NDE1: variants seen among roughly 807,000 people sequenced by gnomAD.
NDE1 encodes nuclear distribution protein nudE homolog 1.
A neutral mutation model predicts 43.4 loss-of-function variants in NDE1; 28 were observed. That is an observed-to-expected ratio of 0.65 (90% CI 0.48 to 0.89). The LOEUF (loss-of-function observed/expected upper bound fraction) is 0.89, where lower values mean the gene tolerates loss of function less well. NDE1 is among the 40% of genes least tolerant of loss of function. The pLI, the probability that NDE1 is intolerant of heterozygous loss-of-function variation, is 0.00. For synonymous variants in NDE1, 184 were observed against 172.0 expected, an observed-to-expected ratio of 1.07 and a Z score of -0.55; for missense variants, 441 against 434.1, an observed-to-expected ratio of 1.02 and a Z score of -0.14.
chr16:15,647,041 C>T (rs1392201417), upstream of NDE1, among the ~76,000 whole-genome samples: 3 of 152,186 alleles, frequency 2.0e-5, no homozygotes, highest in Non-Finnish European at 2.9e-5. Context: ...CAGAGTGAAA[C>T]TCTGTCTCGA....
At chr16:15,708,583 G>C (rs2039595905) in intron 8 of NDE1, among the ~76,000 whole-genome samples, 1 of 152,218 alleles carries the variant, frequency 6.6e-6, no homozygotes. Context: ...GTGCTGCCCA[G>C]AGGCAGGAAG....
intron 4 of NDE1, among the ~76,000 whole-genome samples, chr16:15,683,544 C>CA (rs2038288274): frequency 6.6e-6 from 1 of 151,856 alleles, no homozygotes; most frequent in African/African-American, 2.4e-5. Flanking sequence ...GATGGGGTTT[C>CA]GCCATGTTAG....
At chr16:15,670,657 CA>C (rs10717229) in intron 3 of NDE1, among the ~76,000 whole-genome samples, 60,011 of 128,628 alleles carry the variant, frequency 0.47, 13,602 homozygotes, top group Middle Eastern at 0.61. Flanking sequence ...AACTCTGTCT[CA>C]AAAAAAAAAA....
intron 8 of NDE1, chr16:15,714,481 AG>A (rs1192725503): frequency 1.2e-5 from 3 of 254,866 alleles, no homozygotes; most frequent in African/African-American, 4.4e-5. Context: ...AGAATAATGC[AG>A]CCCAGATGGC....
At chr16:15,668,579 G>T (rs2037433646) in intron 3 of NDE1, among the ~76,000 whole-genome samples, 1 of 152,122 alleles carries the variant, frequency 6.6e-6, no homozygotes, top group Non-Finnish European at 1.5e-5. Flanking sequence ...ACATTTTTAG[G>T]GTATGGAGGT....
rs184194085 is a variant in NDE1 at position 15,720,762 on chromosome 16, C to A, written c.948-3429C>A. 565 of 1,481,536 alleles carry A rather than the reference C, an allele frequency of 3.8e-4. 5 individuals are homozygous for A. The highest frequency in any genetic ancestry group is 6.9e-5 in the Non-Finnish European group (74 of 1,066,168). The allele number at this position is 1,481,536 out of a possible 1,614,324, so 91.8% of individuals were successfully genotyped here. A position where few individuals can be genotyped will look rare whatever the true frequency, so the allele number is the denominator to read the frequency against. Reference sequence around the variant, plus strand: ...AAAAATAAAGAAAACGAAGTTTCCACACCAACCATGAGAGTGGTGATAGGA... The same window carrying A: ...AAAAATAAAGAAAACGAAGTTTCCAAACCAACCATGAGAGTGGTGATAGGA... On this transcript the variant is annotated intron_variant, in intron 8 of 8. Transcript: ENST00000396354.
chr16:15,717,310 G>T, intron 8 of NDE1: 1 of 1,611,700 alleles, frequency 6.2e-7, no homozygotes. Context: ...TCTGGGCCGT[G>T]CTGCGCTCTG....
At chr16:15,658,856 C>T (rs1450673229) in intron 1 of NDE1, among the ~76,000 whole-genome samples, 1 of 152,014 alleles carries the variant, frequency 6.6e-6, no homozygotes, top group East Asian at 1.9e-4. Flanking sequence ...AGGATTTTAC[C>T]ATGTTGGCCA....
intron 8 of NDE1, chr16:15,703,801 T>C: frequency 1.3e-6 from 1 of 758,464 alleles, no homozygotes; most frequent in East Asian, 2.7e-5. Context: ...TTGCCCAGGC[T>C]GGAGGGTGGT....
chr16:15,704,074 T>C lies in NDE1; in HGVS notation c.947+7214T>C, dbSNP rs1277442569. On this transcript the variant is annotated intron_variant, in intron 8 of 8. Transcript: ENST00000396354. ...GAACCATCTGCATTTTCAATAACTC[T>C]ACGTCCTCCAGACCTTCTAGAAGGA... The C allele has an allele frequency of 5.6e-6, 9 of 1,614,066 alleles. No homozygotes were observed. Among genetic ancestry groups the C allele is most frequent in the Non-Finnish European group, 6.8e-6 (8 of 1,180,044 alleles).
At position 15,704,483 on chromosome 16, in the gene NDE1, A is replaced by G. The variant is rs1243803639; in HGVS notation, c.947+7623A>G. 4.6e-5 allele frequency among the ~76,000 whole-genome samples: 7 copies of G among 152,208 alleles called. No individual in the cohort carries two copies. In the East Asian group the frequency reaches 1.2e-3, roughly 25 times the overall value. On this transcript the variant is annotated intron_variant, in intron 8 of 8. Transcript: ENST00000396354. ...GATTTAGAATAGGAAAAAAACGCCA[A>G]AAACCAAGCAGGGGATTTTGTCTTC... is the stretch of plus-strand genomic sequence containing the variant.
At chr16:15,677,594 A>G (rs1285749486) in intron 3 of NDE1, among the ~76,000 whole-genome samples, 5 of 151,564 alleles carry the variant, frequency 3.3e-5, no homozygotes, top group African/African-American at 7.3e-5. Context: ...TCAAAAGAAA[A>G]AAAAAAAAAC....
At chr16:15,717,499 A>C in intron 8 of NDE1, 1 of 762,322 alleles carries the variant, frequency 1.3e-6, no homozygotes, top group Non-Finnish European at 2.1e-6. Context: ...AACTCCACTC[A>C]AGAGCTTCTT....
chr16:15,699,924 G>A (rs1270732195), intron 8 of NDE1: 5 of 1,245,926 alleles, frequency 4.0e-6, no homozygotes, highest in Non-Finnish European at 5.2e-6. Flanking sequence ...TGAGAAATAA[G>A]AGCAGTCACC....
chr16:15,673,933 T>G (rs1349333083), intron 3 of NDE1, among the ~76,000 whole-genome samples: 1 of 152,166 alleles, frequency 6.6e-6, no homozygotes, highest in East Asian at 1.9e-4. Flanking sequence ...GGACACCTGC[T>G]CAGGAGGCTG....
intron 1 of NDE1, among the ~76,000 whole-genome samples, chr16:15,658,793 A>T (rs1044423256): frequency 2.0e-5 from 3 of 152,064 alleles, no homozygotes; most frequent in African/African-American, 7.2e-5. Flanking sequence ...AGTAGTTGGG[A>T]TCATAGGTGC....
chr16:15,689,229 C>T lies in NDE1; in HGVS notation c.523+1718C>T, dbSNP rs1255439143. Among the ~76,000 whole-genome samples the T allele has an allele frequency of 1.3e-5, 2 of 152,140 alleles. 1 individual carries two copies. The highest frequency in any genetic ancestry group is 4.8e-5 in the African/African-American group (2 of 41,424). On this transcript the variant is annotated intron_variant, in intron 5 of 8. Coordinates refer to ENST00000396354, the MANE Select transcript of NDE1 (RefSeq NM_017668.3). ...CCAAGGCTAGGCACAGTGGCTGATG[C>T]CTGTAATCTCAGTGCTTTGAGAGAC...
chr16:15,675,361 G>A (rs976283132), intron 3 of NDE1, among the ~76,000 whole-genome samples: 1 of 151,112 alleles, frequency 6.6e-6, no homozygotes, highest in Admixed American at 6.6e-5. Flanking sequence ...ACCAGGCCCA[G>A]CTAATTTTTT....
At chr16:15,680,087 T>G (rs888305551) in intron 4 of NDE1, among the ~76,000 whole-genome samples, 1 of 152,278 alleles carries the variant, frequency 6.6e-6, no homozygotes, top group African/African-American at 2.4e-5. Context: ...CCAGAGATGA[T>G]GAATTCTTTT....
Sources: allele counts gnomAD v4.1 joint callset (sites outside exome capture counted in the v4.1 genomes callset), GRCh38; gene constraint gnomAD v4.1.1; transcripts MANE v1.5; gene names NCBI Gene and HGNC (gene_info 2026-07-23, HGNC 2026-07-21).